The following CNGB3 variants were observed in gnomAD, a reference collection of about 807,000 sequenced individuals.
CNGB3 encodes cyclic nucleotide-gated channel beta-3.
In CNGB3, 86 loss-of-function variants were observed where a neutral mutation model predicts 92.8. The observed-to-expected ratio is 0.93, with a 90% CI of 0.78 to 1.11. The LOEUF (loss-of-function observed/expected upper bound fraction) is 1.11. Among genes scored for constraint, CNGB3 ranks in the 50% least tolerant of loss-of-function variants. The probability of loss-of-function intolerance (pLI) is 0.00; values close to 1 mark genes in which losing one functional copy is unlikely to be tolerated. For synonymous variants in CNGB3, 333 were observed against 332.7 expected (o/e 1.00, Z -0.01); for missense variants, 1,026 against 956.8 (o/e 1.07, Z -0.95).
rs144643508 is a variant in CNGB3 at position 86,607,845 on chromosome 8, C to T, written c.1663-3634G>A. Among the ~76,000 whole-genome samples, 227 of 152,240 alleles carry T rather than the reference C, an allele frequency of 1.5e-3. 1 individual carries two copies. The highest frequency in any genetic ancestry group is 6.8e-3 in the Middle Eastern group (2 of 294). ...ATTATATAGATAACCTCAAATTGAA[C>T]GTATTTTTTTCCTTCCCCTTGCCTT... is the stretch of plus-strand genomic sequence containing the variant. On this transcript the variant is annotated intron_variant, in intron 14 of 17. Transcript: ENST00000320005.
chr8:86,701,959 G>A (rs1464920076), intron 3 of CNGB3, among the ~76,000 whole-genome samples: 1 of 152,088 alleles, frequency 6.6e-6, no homozygotes, highest in East Asian at 1.9e-4. Context: ...AAATTTTGGT[G>A]CATATTCTTT....
chr8:86,697,423 TAATACA>T (rs1824469792), intron 3 of CNGB3, among the ~76,000 whole-genome samples: 1 of 152,212 alleles, frequency 6.6e-6, no homozygotes, highest in Non-Finnish European at 1.5e-5. Flanking sequence ...TTAACACTCT[TAATACA>T]GAGTCTGTAG....
At chr8:86,733,475 T>A (rs1825193971) in intron 2 of CNGB3, among the ~76,000 whole-genome samples, 2 of 152,240 alleles carry the variant, frequency 1.3e-5, no homozygotes. Flanking sequence ...ATGGGATTGC[T>A]GGTGCAGAAT....
chr8:86,653,891 C>G (rs971307054), intron 7 of CNGB3, 121 bp downstream of exon 7: 20 of 741,240 alleles, frequency 2.7e-5, no homozygotes, highest in Non-Finnish European at 4.6e-5. Flanking sequence ...AAACTTCAGG[C>G]TTATCATTGT....
chr8:86,604,243 T>C, intron 14 of CNGB3, 32 bp from the exon 15 acceptor site: 1 of 1,341,242 alleles, frequency 7.5e-7, no homozygotes, highest in Non-Finnish European at 1.1e-6. Context: ...GAAATGGTAG[T>C]TACTTTATTC....
At chr8:86,716,268 G>A (rs186971195) in intron 3 of CNGB3, among the ~76,000 whole-genome samples, 90 of 152,274 alleles carry the variant, frequency 5.9e-4, no homozygotes, top group Non-Finnish European at 1.1e-3. Flanking sequence ...TCCTGGGGAA[G>A]AAGAGAAATC....
intron 3 of CNGB3, among the ~76,000 whole-genome samples, chr8:86,682,959 C>G (rs190342275): frequency 6.6e-6 from 1 of 152,142 alleles, no homozygotes. Context: ...GCACCAGGCT[C>G]CCAGTTTTTG....
chr8:86,624,790 C>T (rs2131579349), intron 13 of CNGB3, among the ~76,000 whole-genome samples: 1 of 152,334 alleles, frequency 6.6e-6, no homozygotes, highest in African/African-American at 2.4e-5. Flanking sequence ...TGTGTCTCCA[C>T]CAAATCTTTT....
intron 3 of CNGB3, among the ~76,000 whole-genome samples, chr8:86,686,302 C>T (rs1824187060): frequency 6.6e-6 from 1 of 151,940 alleles, no homozygotes; most frequent in African/African-American, 2.4e-5. Context: ...ATCATATGGG[C>T]ATGGTTAATG....
At chr8:86,590,875 G>C (rs1822016130) in intron 15 of CNGB3, among the ~76,000 whole-genome samples, 3 of 151,166 alleles carry the variant, frequency 2.0e-5, no homozygotes, top group South Asian at 2.1e-4. Flanking sequence ...TCCTGAATCT[G>C]AATGTTGGCC....
At chr8:86,724,458 T>A (rs747159569) in intron 3 of CNGB3, among the ~76,000 whole-genome samples, 3 of 152,246 alleles carry the variant, frequency 2.0e-5, no homozygotes, top group Middle Eastern at 3.4e-3. Context: ...AAATCCAATA[T>A]GTTTGGATCA....
At chr8:86,582,464 T>C (rs1821807377) in intron 15 of CNGB3, among the ~76,000 whole-genome samples, 1 of 150,070 alleles carries the variant, frequency 6.7e-6, no homozygotes, top group Non-Finnish European at 1.5e-5. Flanking sequence ...TCCAGGAAGA[T>C]AGGAGAACAT....
At chr8:86,695,178 C>G (rs990398085) in intron 3 of CNGB3, among the ~76,000 whole-genome samples, 3 of 152,004 alleles carry the variant, frequency 2.0e-5, no homozygotes, top group Non-Finnish European at 2.9e-5. Context: ...CGCCTGCAAT[C>G]GCAGGCACTC....
chr8:86,600,460 A>G (rs559368066), intron 15 of CNGB3, among the ~76,000 whole-genome samples: 53 of 152,322 alleles, frequency 3.5e-4, no homozygotes, highest in African/African-American at 1.3e-3. Flanking sequence ...TCAAATCACA[A>G]TTAAGTACTT....
chr8:86,741,073 C>T (rs1825332048), intron 1 of CNGB3, among the ~76,000 whole-genome samples: 1 of 152,094 alleles, frequency 6.6e-6, no homozygotes, highest in African/African-American at 2.4e-5. Context: ...TGAGAATTAC[C>T]CATGACATTT....
At chr8:86,700,593 T>G (rs1306411004) in intron 3 of CNGB3, among the ~76,000 whole-genome samples, 3 of 152,202 alleles carry the variant, frequency 2.0e-5, no homozygotes, top group Non-Finnish European at 4.4e-5. Context: ...TCAAAACCAG[T>G]GGACTGAACT....
intron 10 of CNGB3, among the ~76,000 whole-genome samples, chr8:86,640,830 G>A (rs1823168641): frequency 6.6e-6 from 1 of 151,980 alleles, no homozygotes; most frequent in South Asian, 2.1e-4. Context: ...ATTAGCATGT[G>A]AGTTTAGTTC....
At chr8:86,587,242 T>C (rs951604392) in intron 15 of CNGB3, among the ~76,000 whole-genome samples, 3 of 151,348 alleles carry the variant, frequency 2.0e-5, no homozygotes, top group Admixed American at 6.6e-5. Context: ...TATTAGCCCT[T>C]TGTCAGATGA....
intron 3 of CNGB3, among the ~76,000 whole-genome samples, chr8:86,705,421 G>T (rs567891317): frequency 6.6e-6 from 1 of 151,798 alleles, no homozygotes; most frequent in Non-Finnish European, 1.5e-5. Context: ...CAACCCACCC[G>T]CAAATGTCCA....
Sources: gnomAD v4.1 joint callset for allele counts (sites outside exome capture counted in the v4.1 genomes callset) on GRCh38, gnomAD v4.1.1 for gene constraint, MANE v1.5 for transcripts, NCBI Gene and HGNC (gene_info 2026-07-23, HGNC 2026-07-21) for gene names.